The following ODAD2 variants were observed in gnomAD, a reference collection of about 807,000 sequenced individuals.
The protein encoded by ODAD2 is outer dynein arm-docking complex subunit 2.
A neutral mutation model predicts 106.8 loss-of-function variants in ODAD2; 89 were observed. That is an observed-to-expected ratio of 0.83 (90% CI 0.70 to 0.99). ODAD2 has a LOEUF of 0.99. ODAD2 is among the 50% of genes least tolerant of loss of function. ODAD2 has a pLI of 0.00. For missense variants in ODAD2, 1,168 were observed against 1,238.5 expected, an observed-to-expected ratio of 0.94 and a Z score of 0.85; for synonymous variants, 404 against 436.2, an observed-to-expected ratio of 0.93 and a Z score of 0.92.
rs868584068 is a variant in ODAD2, at chr10:27,983,901, G to A, written c.761C>T (p.Pro254Leu). The A allele has an allele frequency of 1.2e-5, 20 of 1,611,474 alleles. No individual in the cohort carries two copies. The highest frequency in any genetic ancestry group is 3.3e-4 in the Middle Eastern group (2 of 6,078). ...RGEICYVLVK[P>L]HDGETLCITC... ...AATGCACAGAGTCTCACCATCGTGAGGTTTCACCAGCACATAACAAATTTC... is the reference window on the plus strand; with the variant it reads ...AATGCACAGAGTCTCACCATCGTGAAGTTTCACCAGCACATAACAAATTTC... The change falls in exon 6 of 20, where the codon CCT becomes CTT. Residue 254 changes from proline (P) to leucine (L), a missense_variant. This residue lies in a region of ODAD2 where 430 missense variants were observed against 452.2 expected (regional missense o/e 0.95). Coordinates refer to ENST00000305242, the MANE Select transcript of ODAD2 (RefSeq NM_018076.5).
intron 16 of ODAD2, among the ~76,000 whole-genome samples, chr10:27,932,085 C>T (rs1330685806): frequency 6.6e-6 from 1 of 152,044 alleles, no homozygotes; most frequent in East Asian, 1.9e-4. Flanking sequence ...CAGGCGCACA[C>T]CCTCACATCC....
intron 14 of ODAD2, among the ~76,000 whole-genome samples, chr10:27,938,585 T>C (rs1846158998): frequency 6.6e-6 from 1 of 151,846 alleles, no homozygotes; most frequent in Non-Finnish European, 1.5e-5. Flanking sequence ...GACTCCCTTG[T>C]ATCTGTCTCT....
intron 3 of ODAD2, among the ~76,000 whole-genome samples, chr10:27,986,367 G>A (rs1849874908): frequency 6.6e-6 from 1 of 152,210 alleles, no homozygotes; most frequent in South Asian, 2.1e-4. Context: ...ATGTAGCAAA[G>A]GATAAGTATT....
At chr10:27,967,517 G>C (rs543703437) in intron 9 of ODAD2, among the ~76,000 whole-genome samples, 29 of 152,146 alleles carry the variant, frequency 1.9e-4, no homozygotes, top group African/African-American at 7.0e-4. Context: ...GGGAAAACCT[G>C]CTATTTCAAT....
At chr10:27,841,350 C>A (rs1428510567) in intron 19 of ODAD2, among the ~76,000 whole-genome samples, 2 of 152,138 alleles carry the variant, frequency 1.3e-5, no homozygotes, top group Non-Finnish European at 2.9e-5. Context: ...GCTCACCAGC[C>A]TCGTAGACAG....
intron 16 of ODAD2, among the ~76,000 whole-genome samples, chr10:27,911,902 T>C (rs1844041277): frequency 6.6e-6 from 1 of 152,186 alleles, no homozygotes; most frequent in African/African-American, 2.4e-5. Flanking sequence ...ACTGATGAAA[T>C]GGATCTGAAA....
intron 2 of ODAD2, among the ~76,000 whole-genome samples, chr10:27,988,530 G>T (rs1270682514): frequency 1.3e-5 from 2 of 151,802 alleles, no homozygotes; most frequent in African/African-American, 2.4e-5. Flanking sequence ...AGACAACGGG[G>T]TTACACTATG....
chr10:27,948,402 C>T (rs1847089470), intron 10 of ODAD2, among the ~76,000 whole-genome samples: 1 of 152,134 alleles, frequency 6.6e-6, no homozygotes, highest in Non-Finnish European at 1.5e-5. Flanking sequence ...ACATACAGAG[C>T]CACAAATGTT....
chr10:27,905,209 T>A (rs1375702737), intron 17 of ODAD2: 3 of 170,544 alleles, frequency 1.8e-5, no homozygotes, highest in African/African-American at 7.2e-5. Flanking sequence ...AATCTCGAGG[T>A]TATTTTCAGT....
chr10:27,900,160 T>C (rs1446186583), intron 17 of ODAD2, among the ~76,000 whole-genome samples: 2 of 152,264 alleles, frequency 1.3e-5, no homozygotes, highest in Admixed American at 6.5e-5. Flanking sequence ...CCGCTCATGA[T>C]ACCCAGGCAA....
chr10:27,965,583 T>C (rs1351707868), intron 9 of ODAD2, among the ~76,000 whole-genome samples: 3 of 152,156 alleles, frequency 2.0e-5, no homozygotes, highest in Non-Finnish European at 4.4e-5. Flanking sequence ...GTAGTGTCCA[T>C]GGGTAAGAGG....
intron 7 of ODAD2, among the ~76,000 whole-genome samples, chr10:27,975,781 A>G (rs1849152552): frequency 6.6e-6 from 1 of 152,176 alleles, no homozygotes; most frequent in African/African-American, 2.4e-5. Context: ...TGAAGAGAAG[A>G]TGAAACTTTC....
chr10:27,941,798 G>A (rs775436779), intron 12 of ODAD2, among the ~76,000 whole-genome samples: 4 of 151,948 alleles, frequency 2.6e-5, no homozygotes, highest in Admixed American at 6.6e-5. Flanking sequence ...ATCTATGCAC[G>A]TCTACTCCAT....
chr10:27,907,843 C>T lies in ODAD2; in HGVS notation c.2496-66G>A, dbSNP rs989994017. On this transcript the variant is annotated intron_variant, in intron 16 of 19. Transcript: ENST00000305242. ...TATGTGAAGACAAACATTTTAATGACCCACTTATTTAATTATTTTTTCTCC... is the reference window on the plus strand; with the variant it reads ...TATGTGAAGACAAACATTTTAATGATCCACTTATTTAATTATTTTTTCTCC... 2.1e-5 allele frequency: 23 copies of T among 1,078,174 alleles called. No homozygotes were observed. In the African/African-American group the frequency reaches 2.7e-4, roughly 13 times the overall value. The allele number at this position is 1,078,174 out of a possible 1,614,324, so 66.8% of individuals were successfully genotyped here.
At chr10:27,961,538 T>C in intron 10 of ODAD2, 30 bp downstream of exon 10, 2 of 1,578,122 alleles carry the variant, frequency 1.3e-6, no homozygotes, top group East Asian at 2.3e-5. Context: ...AAATGAACAT[T>C]GCAAACATAC....
intron 17 of ODAD2, among the ~76,000 whole-genome samples, chr10:27,863,069 TG>T (rs1326984161): frequency 2.0e-5 from 3 of 152,224 alleles, no homozygotes; most frequent in African/African-American, 7.2e-5. Context: ...CATCAGTTGA[TG>T]GATACATAAC....
At chr10:27,949,713 C>T (rs1225531490) in intron 10 of ODAD2, among the ~76,000 whole-genome samples, 1 of 152,106 alleles carries the variant, frequency 6.6e-6, no homozygotes, top group Non-Finnish European at 1.5e-5. Flanking sequence ...ACAATGATGT[C>T]ATTTATAAAA....
intron 10 of ODAD2, among the ~76,000 whole-genome samples, chr10:27,959,595 G>A (rs75593214): frequency 0.09 from 13,680 of 152,076 alleles, 648 homozygotes; most frequent in East Asian, 0.2. Context: ...AGGAGCATGT[G>A]GCCTGAATCT....
intron 16 of ODAD2, among the ~76,000 whole-genome samples, chr10:27,924,269 A>G (rs2133993986): frequency 6.6e-6 from 1 of 151,238 alleles, no homozygotes; most frequent in Non-Finnish European, 1.5e-5. Context: ...AAAATTTCTC[A>G]TTAATTCTAT....
Sources: allele counts gnomAD v4.1 joint callset (sites outside exome capture counted in the v4.1 genomes callset), GRCh38; gene constraint gnomAD v4.1.1; regional missense constraint gnomAD v4.1.1; transcripts MANE v1.5; gene names NCBI Gene and HGNC (gene_info 2026-07-23, HGNC 2026-07-21).